Variants in ROCK2 observed in about 807,000 individuals in gnomAD.
ROCK2 encodes the protein rho-associated protein kinase 2.
Under a neutral mutation model 195.1 loss-of-function variants are expected in ROCK2, and 61 were observed. The observed-to-expected ratio is 0.31, with a 90% CI of 0.25 to 0.39. The LOEUF (loss-of-function observed/expected upper bound fraction) is 0.39. Ranked by LOEUF, ROCK2 falls within the 10% of genes least tolerant of loss-of-function variation. ROCK2 has a pLI of 1.00. For missense variants in ROCK2, 1,109 were observed against 1,637.4 expected (o/e 0.68, Z 5.57); for synonymous variants, 504 against 545.5 (o/e 0.92, Z 1.06).
intron 1 of ROCK2, among the ~76,000 whole-genome samples, chr2:11,329,987 G>A (rs1668668608): frequency 6.6e-6 from 1 of 152,000 alleles, no homozygotes; most frequent in Non-Finnish European, 1.5e-5. Flanking sequence ...CAAATTAATT[G>A]CATTTTTTTC....
chr2:11,200,998 G>A lies in ROCK2; in HGVS notation c.2869C>T (p.His957Tyr), dbSNP rs1396954585. The change falls in exon 23 of 33, where the codon CAC becomes TAC. Residue 957 changes from histidine to tyrosine, a missense_variant. Coordinates refer to ENST00000315872, the MANE Select transcript of ROCK2 (RefSeq NM_004850.5). ...TCTTTTTCCGTAAGTTCCTGTTTGT[G>A]TCTAGCCATCATCTCTTTGATCTCC... ...ELEIKEMMAR[H>Y]KQELTEKDAT... is the part of the protein sequence containing the mutation. 6.2e-7 allele frequency: 1 copy of A among 1,609,534 alleles called. No individual in the cohort carries two copies. The highest frequency in any genetic ancestry group is 8.5e-7 in the Non-Finnish European group (1 of 1,178,812).
At chr2:11,283,582 A>AAAAAAAAACAAG (rs777307547) in intron 3 of ROCK2, among the ~76,000 whole-genome samples, 2 of 15,164 alleles carry the variant, frequency 1.3e-4, no homozygotes, top group Non-Finnish European at 2.6e-4. Flanking sequence ...AAAAAAAAAA[A>AAAAAAAAACAAG]AAAGCAAGAA....
intron 1 of ROCK2, among the ~76,000 whole-genome samples, chr2:11,317,807 T>G (rs1572401546): frequency 6.7e-6 from 1 of 149,760 alleles, no homozygotes; most frequent in South Asian, 2.1e-4. Flanking sequence ...GATGTTCCCC[T>G]TCCTGTGTCC....
chr2:11,267,265 C>T (rs1230369088), intron 3 of ROCK2, among the ~76,000 whole-genome samples: 2 of 152,134 alleles, frequency 1.3e-5, no homozygotes, highest in Non-Finnish European at 2.9e-5. Context: ...TATTAATCCC[C>T]CATAATGACT....
intron 32 of ROCK2, among the ~76,000 whole-genome samples, chr2:11,184,515 A>G (rs1223722491): frequency 6.6e-6 from 1 of 152,238 alleles, no homozygotes; most frequent in East Asian, 1.9e-4. Flanking sequence ...CTTAACATGT[A>G]AATTTCAGTT....
chr2:11,331,047 G>GAGA (rs925167417), intron 1 of ROCK2, among the ~76,000 whole-genome samples: 2 of 143,252 alleles, frequency 1.4e-5, no homozygotes, highest in African/African-American at 5.2e-5. Context: ...GAGGAGGGAG[G>GAGA]AGGAGGAGGA....
chr2:11,283,361 C>T (rs533901525), intron 3 of ROCK2, among the ~76,000 whole-genome samples: 1 of 150,368 alleles, frequency 6.7e-6, no homozygotes, highest in South Asian at 2.1e-4. Flanking sequence ...GAGATCGAGA[C>T]CATCCTGGCT....
At chr2:11,202,839 C>T (rs1663912314) in intron 20 of ROCK2, among the ~76,000 whole-genome samples, 1 of 152,090 alleles carries the variant, frequency 6.6e-6, no homozygotes, top group African/African-American at 2.4e-5. Flanking sequence ...GGTTCTGAGA[C>T]CAGTGTTATA....
intron 1 of ROCK2, among the ~76,000 whole-genome samples, chr2:11,325,720 A>G (rs563291302): frequency 2.3e-4 from 35 of 152,222 alleles, no homozygotes; most frequent in Non-Finnish European, 4.6e-4. Context: ...TAACAGGGTA[A>G]GTTTACATTT....
At position 11,322,378 on chromosome 2, in the gene ROCK2, T is replaced by G. The variant is rs866590498; in HGVS notation, c.141+21618A>C. 5.3e-5 allele frequency among the ~76,000 whole-genome samples: 8 copies of G among 151,424 alleles called. No individual in the cohort carries two copies. The East Asian group carries it at 1.4e-3, about 26-fold the overall frequency. ...GTATCACTAGTGTGTGTATATGTATTTTATACATATATATTTTATATATAT... is the reference window on the plus strand; with the variant it reads ...GTATCACTAGTGTGTGTATATGTATGTTATACATATATATTTTATATATAT... On this transcript the variant is annotated intron_variant, in intron 1 of 32. Transcript: ENST00000315872.
chr2:11,207,556 G>A (rs956031552), intron 20 of ROCK2, among the ~76,000 whole-genome samples, 170 bp downstream of exon 20: 14 of 152,140 alleles, frequency 9.2e-5, no homozygotes, highest in Non-Finnish European at 5.9e-5. Flanking sequence ...TTGGGGAAAC[G>A]AATATAATCT....
At chr2:11,343,582 G>C (rs1222838447) in intron 1 of ROCK2, among the ~76,000 whole-genome samples, 1 of 152,190 alleles carries the variant, frequency 6.6e-6, no homozygotes, top group Non-Finnish European at 1.5e-5. Flanking sequence ...GTGAGTACTC[G>C]CAACAGGGAC....
chr2:11,216,713 GTTTTTTCTTT>G (rs1664443485), intron 12 of ROCK2, among the ~76,000 whole-genome samples: 1 of 148,410 alleles, frequency 6.7e-6, no homozygotes, highest in South Asian at 2.1e-4. Flanking sequence ...CTCCGTTTCT[GTTTTTTCTTT>G]TTTTTTCTTT....
chr2:11,183,545 TC>T, intron 32 of ROCK2, 105 bp from the exon 33 acceptor site: 1 of 749,650 alleles, frequency 1.3e-6, no homozygotes, highest in Non-Finnish European at 2.1e-6. Context: ...TATATAGTCT[TC>T]CAGCTACTAT....
intron 3 of ROCK2, among the ~76,000 whole-genome samples, chr2:11,278,247 C>T (rs970469870): frequency 6.6e-6 from 1 of 152,188 alleles, no homozygotes; most frequent in Non-Finnish European, 1.5e-5. Context: ...CTGGTAACCA[C>T]CATTCTATTC....
rs553293802 is a variant in ROCK2 at position 11,245,662 on chromosome 2, CA to C, written c.462+3998del. 4.6e-5 allele frequency among the ~76,000 whole-genome samples: 7 copies of C among 152,258 alleles called. No homozygotes were observed. In the South Asian group the frequency reaches 1.4e-3, roughly 32 times the overall value. The stretch of plus-strand genomic sequence containing the variant: ...ACAGTTAATTACACATCAAGAGCAG[CA>C]AATGTTTAAGATAGGTCTGGAGCAC... On this transcript the variant is annotated intron_variant, in intron 4 of 32. Transcript: ENST00000315872.
At chr2:11,310,258 AC>A (rs1667991370) in intron 1 of ROCK2, among the ~76,000 whole-genome samples, 1 of 152,156 alleles carries the variant, frequency 6.6e-6, no homozygotes. Flanking sequence ...TGGTGTTAGC[AC>A]TGATTACAAC....
chr2:11,187,939 G>A (rs757439895), intron 32 of ROCK2, among the ~76,000 whole-genome samples: 5 of 151,988 alleles, frequency 3.3e-5, no homozygotes, highest in Non-Finnish European at 5.9e-5. Flanking sequence ...CCTCCTTTAA[G>A]TTTTAACTGT....
Position 11,221,202 on chromosome 2 carries a change from T to C in ROCK2, c.1255A>G (p.Asn419Asp). ...PFIGFTYYRE[N>D]LLLSDSPSCR... ...AACAAATAATAAACCACATACAAAT[T>C]TTCTCTATAGTAGGTAAATCCGATG... The change falls in exon 9 of 33, where the codon AAT becomes GAT. Residue 419 changes from asparagine (N) to aspartate (D), a missense_variant. Asn to Asp is a conservative substitution (Grantham distance 23). Coordinates refer to ENST00000315872, the MANE Select transcript of ROCK2 (RefSeq NM_004850.5). 1 of 1,551,880 alleles carries C rather than the reference T, an allele frequency of 6.4e-7. No individual in the cohort carries two copies. The highest frequency in any genetic ancestry group is 8.6e-7 in the Non-Finnish European group (1 of 1,157,456).
Sources: allele counts gnomAD v4.1 joint callset (sites outside exome capture counted in the v4.1 genomes callset), GRCh38; gene constraint gnomAD v4.1.1; transcripts MANE v1.5; gene names NCBI Gene and HGNC (gene_info 2026-07-23, HGNC 2026-07-21).